The following BMAL1 variants were observed in gnomAD, a reference collection of about 807,000 sequenced individuals.
The protein encoded by BMAL1 is basic helix-loop-helix ARNT like 1.
chr11:13,375,640 T>C, the BMAL1 span: 2 of 1,581,668 alleles, frequency 1.3e-6, no homozygotes, highest in East Asian at 4.5e-5. Flanking sequence ...AAATTACAAC[T>C]AATTGCTATA....
At chr11:13,326,796 G>A in the BMAL1 span, among the ~76,000 whole-genome samples, 3 of 151,610 alleles carry the variant, frequency 2.0e-5, no homozygotes, top group Non-Finnish European at 4.4e-5. Flanking sequence ...GAAATGACCA[G>A]ACATAGTGGC....
the BMAL1 span, among the ~76,000 whole-genome samples, chr11:13,298,043 G>C: frequency 1.3e-5 from 2 of 152,156 alleles, no homozygotes; most frequent in East Asian, 3.8e-4. Flanking sequence ...ATCTTAGCAT[G>C]GCCCTCAGAG....
chr11:13,342,941 T>C, the BMAL1 span, among the ~76,000 whole-genome samples: 1 of 152,236 alleles, frequency 6.6e-6, no homozygotes, highest in Admixed American at 6.5e-5. Flanking sequence ...CTAGTTGTCT[T>C]ATGAGGCTGT....
At chr11:13,353,386 G>A in the BMAL1 span, 2 of 152,430 alleles carry the variant, frequency 1.3e-5, 1 homozygote, top group South Asian at 4.1e-4. Context: ...CTGGTCTTTG[G>A]TCAAGGGTAT....
the BMAL1 span, chr11:13,354,288 G>C: frequency 6.8e-7 from 1 of 1,468,850 alleles, no homozygotes; most frequent in Admixed American, 2.0e-5. Context: ...TGTGCCTCTT[G>C]TAACAATTCC....
the BMAL1 span, among the ~76,000 whole-genome samples, chr11:13,326,826 T>C: frequency 1.3e-5 from 2 of 150,284 alleles, no homozygotes; most frequent in Non-Finnish European, 3.0e-5. Flanking sequence ...TTTTGTTTTG[T>C]TTTGTTTTTT....
At chr11:13,348,319 C>T in the BMAL1 span, among the ~76,000 whole-genome samples, 1 of 152,078 alleles carries the variant, frequency 6.6e-6, no homozygotes, top group South Asian at 2.1e-4. Context: ...AGCAGTGTTT[C>T]CTGCTGGGTG....
the BMAL1 span, chr11:13,277,057 G>A: frequency 2.0e-5 from 3 of 152,284 alleles, no homozygotes; most frequent in Non-Finnish European, 4.4e-5. Flanking sequence ...TGGAGGTCAT[G>A]ATGAACGCAA....
the BMAL1 span, among the ~76,000 whole-genome samples, chr11:13,359,169 G>A: frequency 6.6e-6 from 1 of 152,180 alleles, no homozygotes; most frequent in Non-Finnish European, 1.5e-5. Flanking sequence ...GGGAGGGTGA[G>A]AAAACATAGG....
the BMAL1 span, chr11:13,374,243 C>T: frequency 1.3e-6 from 2 of 1,569,854 alleles, no homozygotes; most frequent in Non-Finnish European, 1.8e-6. Flanking sequence ...GAAAGTGTCC[C>T]CTTGCTTCTA....
chr11:13,341,431 C>T, the BMAL1 span, among the ~76,000 whole-genome samples: 1 of 152,214 alleles, frequency 6.6e-6, no homozygotes, highest in Non-Finnish European at 1.5e-5. Flanking sequence ...TCAAAGAAGG[C>T]ATGTGGCTTT....
the BMAL1 span, among the ~76,000 whole-genome samples, chr11:13,336,601 C>T: frequency 3.3e-5 from 5 of 152,262 alleles, no homozygotes; most frequent in East Asian, 9.7e-4. Context: ...AGTTGGACCA[C>T]GAGGGTCTGA....
chr11:13,355,403 T>C, the BMAL1 span: 3 of 1,084,952 alleles, frequency 2.8e-6, no homozygotes, highest in Non-Finnish European at 2.8e-6. Flanking sequence ...GCAGAAAGAC[T>C]GCGAGATGTT....
the BMAL1 span, among the ~76,000 whole-genome samples, chr11:13,277,306 A>G: frequency 0.96 from 146,484 of 152,262 alleles, 70,499 homozygotes; most frequent in East Asian, 1. Flanking sequence ...CGGGCGGCCA[A>G]ACGCCAGCCG....
chr11:13,300,970 G>C, the BMAL1 span, among the ~76,000 whole-genome samples: 1 of 152,082 alleles, frequency 6.6e-6, no homozygotes, highest in Non-Finnish European at 1.5e-5. Flanking sequence ...ATGGAGTCTC[G>C]TTCTGTCACC....
chr11:13,384,167 AT>A, the BMAL1 span, among the ~76,000 whole-genome samples: 1 of 152,192 alleles, frequency 6.6e-6, no homozygotes, highest in Non-Finnish European at 1.5e-5. Context: ...AATGACTGAC[AT>A]TTGTTGCCAA....
chr11:13,292,544 CT>C, the BMAL1 span, among the ~76,000 whole-genome samples: 5 of 25,786 alleles, frequency 1.9e-4, no homozygotes, highest in African/African-American at 3.4e-4. Context: ...GAGACTCCAT[CT>C]CAAAAAAAAA....
chr11:13,330,029 G>A, the BMAL1 span, among the ~76,000 whole-genome samples: 4 of 152,158 alleles, frequency 2.6e-5, no homozygotes, highest in Non-Finnish European at 5.9e-5. Context: ...ATGCACACAC[G>A]ACTTAGGCAG....
chr11:13,281,422 A>G, the BMAL1 span, among the ~76,000 whole-genome samples: 1 of 151,794 alleles, frequency 6.6e-6, no homozygotes, highest in Admixed American at 6.6e-5. Flanking sequence ...CTTTCTTTAT[A>G]TTTCTTCTCA....
Sources: allele counts gnomAD v4.1 joint callset (sites outside exome capture counted in the v4.1 genomes callset), GRCh38; gene constraint gnomAD v4.1.1; transcripts MANE v1.5; gene names NCBI Gene and HGNC (gene_info 2026-07-23, HGNC 2026-07-21).